Variants in RPS8 observed in about 807,000 individuals in gnomAD.
The protein encoded by RPS8 is small ribosomal subunit protein eS8.
For missense variants in RPS8, 141 were observed against 269.7 expected (o/e 0.52, Z 3.34); for synonymous variants, 100 against 100.7 (o/e 0.99, Z 0.04).
At chr1:44,777,890 TGA>T (rs745490585) in intron 4 of RPS8, 101 bp downstream of exon 4, 8 of 1,577,464 alleles carry the variant, frequency 5.1e-6, no homozygotes, top group South Asian at 4.5e-5. Context: ...GGGAGAGAGA[TGA>T]GAGCCTTTTA....
chr1:44,776,425 T>G, intron 2 of RPS8: 1 of 751,570 alleles, frequency 1.3e-6, no homozygotes, highest in Admixed American at 1.8e-5. Flanking sequence ...GTCAGAAGCC[T>G]AGTCTTGTTT....
intron 4 of RPS8, 78 bp from the exon 5 acceptor site, chr1:44,777,922 T>C: frequency 6.3e-7 from 1 of 1,582,420 alleles, no homozygotes; most frequent in East Asian, 2.2e-5. Flanking sequence ...AGGCCAGCAC[T>C]GGGGTGTGCA....
intron 2 of RPS8, 62 bp downstream of exon 2, chr1:44,776,202 C>G: frequency 5.0e-6 from 6 of 1,207,502 alleles, no homozygotes; most frequent in Non-Finnish European, 7.0e-6. Flanking sequence ...CCAGCGTGCT[C>G]GGGTCTTTCC....
intron 1 of RPS8, 198 bp from the exon 2 acceptor site, chr1:44,775,836 G>A: frequency 1.3e-6 from 1 of 782,478 alleles, no homozygotes; most frequent in Non-Finnish European, 2.2e-6. Flanking sequence ...CATGGCTGCC[G>A]CGAGGAGGAG....
intron 3 of RPS8, chr1:44,777,072 CCTG>C (rs1650882355): frequency 3.4e-6 from 1 of 293,292 alleles, no homozygotes; most frequent in Admixed American, 4.9e-5. Flanking sequence ...CCCAGGCTGT[CCTG>C]CTCCAATCTC....
chr1:44,775,997 C>T (rs1183776666), intron 1 of RPS8, 37 bp from the exon 2 acceptor site: 4 of 1,591,974 alleles, frequency 2.5e-6, no homozygotes, highest in African/African-American at 1.3e-5. Context: ...CACCGAGTCA[C>T]AGTGGCTCAA....
intron 5 of RPS8, 127 bp downstream of exon 5, chr1:44,778,256 G>C: frequency 8.4e-7 from 1 of 1,195,294 alleles, no homozygotes. Context: ...AACAGGCTGC[G>C]AGCACAAAGG....
chr1:44,777,232 C>T (rs754496866), intron 3 of RPS8: 86 of 217,368 alleles, frequency 4.0e-4, no homozygotes, highest in African/African-American at 1.8e-3. Flanking sequence ...CCATCACACC[C>T]GGCTGCTTCT....
intron 2 of RPS8, 128 bp from the exon 3 acceptor site, chr1:44,776,547 G>T (rs1352508311): frequency 2.4e-6 from 2 of 826,754 alleles, no homozygotes; most frequent in Non-Finnish European, 2.1e-6. Context: ...GGTCACCTGT[G>T]TGCCACTTGC....
In RPS8 at chr1:44,776,028, A is replaced by C; in HGVS notation, c.5-6A>C. On this transcript the variant is annotated splice_polypyrimidine_tract_variant and splice_region_variant and intron_variant, in intron 1 of 5. Coordinates refer to ENST00000396651, the MANE Select transcript of RPS8 (RefSeq NM_001012.2). ...CTCAAGCTTCCTTCCCCGCTTCCAC[A>C]TGCAGGCATCTCTCGGGACAACTGG... The C allele has an allele frequency of 1.9e-6, 3 of 1,613,080 alleles. No individual in the cohort carries two copies. Among genetic ancestry groups the C allele is most frequent in the Non-Finnish European group, 2.5e-6 (3 of 1,179,494 alleles).
chr1:44,775,792 C>T (rs1349818140), intron 1 of RPS8, 192 bp downstream of exon 1: 6 of 845,630 alleles, frequency 7.1e-6, no homozygotes, highest in Non-Finnish European at 9.6e-6. Flanking sequence ...CTCCGGGTTC[C>T]GGGCCGCGGG....
chr1:44,776,605 C>T (rs1380576953), intron 2 of RPS8, 70 bp from the exon 3 acceptor site: 1 of 1,314,666 alleles, frequency 7.6e-7, no homozygotes, highest in East Asian at 2.3e-5. Flanking sequence ...CTCCTCCCGG[C>T]CCAGGTTCCT....
intron 1 of RPS8, 196 bp from the exon 2 acceptor site, chr1:44,775,838 G>A (rs752178799): frequency 1.4e-5 from 11 of 785,962 alleles, no homozygotes; most frequent in South Asian, 4.3e-5. Context: ...TGGCTGCCGC[G>A]AGGAGGAGGC....
At chr1:44,777,021 C>A (rs148761442) in intron 3 of RPS8, 18 of 404,932 alleles carry the variant, frequency 4.4e-5, no homozygotes, top group South Asian at 4.2e-4. Flanking sequence ...TGAAGTTTCT[C>A]CTTGCTGAAA....
intron 5 of RPS8, 154 bp from the exon 6 acceptor site, chr1:44,778,422 A>C (rs374217599): frequency 1.2e-6 from 1 of 815,164 alleles, no homozygotes; most frequent in East Asian, 2.4e-5. Flanking sequence ...CAGTTCTGCT[A>C]CTGACAGTAA....
At chr1:44,776,530 C>A in intron 2 of RPS8, 145 bp from the exon 3 acceptor site, 1 of 789,894 alleles carries the variant, frequency 1.3e-6, no homozygotes. Flanking sequence ...GTGGTTGTGG[C>A]CGTCTTGGTC....
In RPS8 at chr1:44,775,577, T is replaced by C; in HGVS notation, c.-20T>C. 2.5e-6 allele frequency: 4 copies of C among 1,614,130 alleles called. No individual in the cohort carries two copies. The highest frequency in any genetic ancestry group is 1.3e-5 in the African/African-American group (1 of 75,046). On this transcript the variant is annotated 5_prime_UTR_variant, in exon 1 of 6. Coordinates refer to ENST00000396651, the MANE Select transcript of RPS8 (RefSeq NM_001012.2). ...GAACCGTGAATCTTTGCGGTTTCTC[T>C]TTCCAGCCAGCGCCGAGCGATGGGT...
chr1:44,775,620 G>A lies in RPS8; in HGVS notation c.4+20G>A. 6.2e-7 allele frequency: 1 copy of A among 1,614,074 alleles called. No individual in the cohort carries two copies. The highest frequency in any genetic ancestry group is 1.1e-5 in the South Asian group (1 of 91,084). On this transcript the variant is annotated intron_variant, in intron 1 of 5. Transcript: ENST00000396651. The stretch of plus-strand genomic sequence containing the variant: ...CGATGGGTGAGTGTCGCTCTGCATT[G>A]AGGCGGGTGAAGGGAGGTTGAGCTC...
chr1:44,778,395 G>T (rs1309801043), intron 5 of RPS8, 181 bp from the exon 6 acceptor site: 3 of 806,764 alleles, frequency 3.7e-6, no homozygotes, highest in South Asian at 2.7e-5. Context: ...GGCTGTCTCA[G>T]TGATGAAAAC....
Sources: gnomAD v4.1 joint callset for allele counts on GRCh38, gnomAD v4.1.1 for gene constraint, MANE v1.5 for transcripts, NCBI Gene and HGNC (gene_info 2026-07-23, HGNC 2026-07-21) for gene names.